CATSPERT: variants seen among roughly 807,000 people sequenced by gnomAD.
The protein encoded by CATSPERT is cation channel sperm-associated targeting subunit tau.
the CATSPERT span, among the ~76,000 whole-genome samples, chr2:201,514,014 TAA>T: frequency 6.6e-6 from 1 of 152,086 alleles, no homozygotes; most frequent in Admixed American, 6.5e-5. Context: ...AATAAAAACA[TAA>T]GTCAATATTT....
the CATSPERT span, among the ~76,000 whole-genome samples, chr2:201,498,854 A>G: frequency 6.6e-6 from 1 of 151,578 alleles, no homozygotes; most frequent in Non-Finnish European, 1.5e-5. Context: ...CTCTAAGGAG[A>G]ATATGGCATA....
chr2:201,536,122 T>G, the CATSPERT span: 2 of 1,613,580 alleles, frequency 1.2e-6, no homozygotes. Context: ...TCTGGCATGC[T>G]TTCTGATTGA....
the CATSPERT span, among the ~76,000 whole-genome samples, chr2:201,576,542 C>T: frequency 1.3e-5 from 2 of 152,298 alleles, no homozygotes; most frequent in Middle Eastern, 3.4e-3. Flanking sequence ...ACCTTTTCTC[C>T]TATTTCTTTT....
the CATSPERT span, among the ~76,000 whole-genome samples, chr2:201,571,557 C>T: frequency 2.0e-5 from 3 of 152,188 alleles, no homozygotes; most frequent in East Asian, 3.9e-4. Context: ...ATTACTATAC[C>T]GCAGAGCAGA....
At chr2:201,592,280 C>T in the CATSPERT span, among the ~76,000 whole-genome samples, 118,528 of 138,232 alleles carry the variant, frequency 0.86, 51,861 homozygotes, top group South Asian at 0.98. Flanking sequence ...TGCTGGATTA[C>T]ATTTATTGAT....
At chr2:201,487,674 C>A in the CATSPERT span, 2 of 1,613,750 alleles carry the variant, frequency 1.2e-6, no homozygotes, top group Admixed American at 3.3e-5. Flanking sequence ...GATGTTTTAT[C>A]ATTTATATGA....
At chr2:201,607,333 G>T in the CATSPERT span, among the ~76,000 whole-genome samples, 1 of 152,150 alleles carries the variant, frequency 6.6e-6, no homozygotes, top group African/African-American at 2.4e-5. Context: ...CCTATTTTAT[G>T]GGGCTCTTGT....
the CATSPERT span, among the ~76,000 whole-genome samples, chr2:201,552,060 G>T: frequency 8.6e-5 from 13 of 151,212 alleles, no homozygotes; most frequent in Middle Eastern, 3.4e-3. Context: ...GTGCGATCTC[G>T]GCCCCGTGTG....
At chr2:201,516,829 C>A in the CATSPERT span, among the ~76,000 whole-genome samples, 2 of 151,656 alleles carry the variant, frequency 1.3e-5, no homozygotes, top group African/African-American at 4.8e-5. Context: ...GATGCTCCAA[C>A]AGCTGTCAGG....
the CATSPERT span, among the ~76,000 whole-genome samples, chr2:201,596,821 T>G: frequency 6.6e-6 from 1 of 152,228 alleles, no homozygotes; most frequent in Non-Finnish European, 1.5e-5. Context: ...GAATTTTTAC[T>G]TGGTTCTCTT....
the CATSPERT span, among the ~76,000 whole-genome samples, chr2:201,545,079 C>A: frequency 1.3e-5 from 2 of 151,996 alleles, no homozygotes; most frequent in African/African-American, 2.4e-5. Flanking sequence ...ACTCTGTCGC[C>A]CAGGCTGGAG....
At chr2:201,495,245 G>A in the CATSPERT span, among the ~76,000 whole-genome samples, 1 of 151,776 alleles carries the variant, frequency 6.6e-6, no homozygotes, top group Non-Finnish European at 1.5e-5. Context: ...AACTGACTTG[G>A]GGGCATATAT....
chr2:201,565,123 G>C, the CATSPERT span, among the ~76,000 whole-genome samples: 3 of 151,552 alleles, frequency 2.0e-5, no homozygotes, highest in Non-Finnish European at 2.9e-5. Context: ...AAAAAAGCAC[G>C]AGACCTACGA....
the CATSPERT span, among the ~76,000 whole-genome samples, chr2:201,617,848 A>C: frequency 1.3e-5 from 2 of 152,114 alleles, no homozygotes; most frequent in African/African-American, 2.4e-5. Context: ...CAAAGAACTG[A>C]AACAAATTTA....
chr2:201,527,163 C>T, the CATSPERT span, among the ~76,000 whole-genome samples: 2 of 152,032 alleles, frequency 1.3e-5, 1 homozygote, highest in South Asian at 4.1e-4. Context: ...TTCACATAGC[C>T]AAAATAAGAG....
At chr2:201,617,622 C>T in the CATSPERT span, among the ~76,000 whole-genome samples, 2 of 152,128 alleles carry the variant, frequency 1.3e-5, no homozygotes, top group Admixed American at 6.5e-5. Flanking sequence ...AAAACCTAGC[C>T]AATACCATTC....
At chr2:201,581,455 T>TATATATATATATATATAC in the CATSPERT span, among the ~76,000 whole-genome samples, 1 of 114,524 alleles carries the variant, frequency 8.7e-6, no homozygotes, top group African/African-American at 3.4e-5. Context: ...TATATATATA[T>TATATATATATATATATAC]GTATACACAC....
At chr2:201,579,868 T>C in the CATSPERT span, among the ~76,000 whole-genome samples, 1 of 151,518 alleles carries the variant, frequency 6.6e-6, no homozygotes, top group Non-Finnish European at 1.5e-5. Flanking sequence ...TTTTTTTTTT[T>C]TGAGACAGGG....
At chr2:201,573,743 G>A in the CATSPERT span, among the ~76,000 whole-genome samples, 87 of 152,036 alleles carry the variant, frequency 5.7e-4, no homozygotes, top group Non-Finnish European at 9.3e-4. Flanking sequence ...TACAACTCCC[G>A]CCTCCCAGGT....
Sources: allele counts gnomAD v4.1 joint callset (sites outside exome capture counted in the v4.1 genomes callset), GRCh38; gene constraint gnomAD v4.1.1; transcripts MANE v1.5; gene names NCBI Gene and HGNC (gene_info 2026-07-23, HGNC 2026-07-21).